JAZF1: variants seen among roughly 807,000 people sequenced by gnomAD.
The protein encoded by JAZF1 is JAZF zinc finger 1.
In JAZF1, 8 loss-of-function variants were observed where a neutral mutation model predicts 26.4. That is an observed-to-expected ratio of 0.30 (90% CI 0.18 to 0.55). JAZF1 has a LOEUF of 0.55. JAZF1 is among the 20% of genes least tolerant of loss of function. JAZF1 has a pLI of 0.94. For missense variants in JAZF1, 199 were observed against 322.0 expected (o/e 0.62, Z 2.92); for synonymous variants, 126 against 122.3 (o/e 1.03, Z -0.20).
intron 3 of JAZF1, chr7:27,842,600 G>A (rs868042523): frequency 3.9e-5 from 6 of 152,132 alleles, no homozygotes; most frequent in African/African-American, 1.2e-4. Context: ...AAAGAGAGCC[G>A]GTTTGGAAAC....
intron 1 of JAZF1, among the ~76,000 whole-genome samples, chr7:28,021,310 G>A (rs1348606140): frequency 6.6e-6 from 1 of 152,092 alleles, no homozygotes; most frequent in South Asian, 2.1e-4. Context: ...CAGGCCTTAG[G>A]AATCAGACAA....
intron 1 of JAZF1, among the ~76,000 whole-genome samples, chr7:28,067,022 T>C (rs1783894435): frequency 1.3e-5 from 2 of 152,152 alleles, no homozygotes. Flanking sequence ...GTTAACTCCT[T>C]TGTACCTGCC....
Position 27,831,433 on chromosome 7 carries a change from T to C in JAZF1, c.*1367A>G, listed in dbSNP as rs1782694595. On this transcript the variant is annotated 3_prime_UTR_variant, in exon 5 of 5. Transcript: ENST00000283928. Reference sequence around the variant, plus strand: ...GCATTATTAGGCAACTGGTAAACTCTCGTGTTTAAGGAATAGCACTTGGGA... The same window carrying C: ...GCATTATTAGGCAACTGGTAAACTCCCGTGTTTAAGGAATAGCACTTGGGA... The C allele has an allele frequency of 8.7e-6, 2 of 228,804 alleles. No individual in the cohort carries two copies. The highest frequency in any genetic ancestry group is 1.7e-5 in the Non-Finnish European group (2 of 115,100). 14.2% of individuals were successfully genotyped at this position (228,804 alleles called of 1,614,324 possible).
rs745576949 is a variant in JAZF1 at position 27,913,422 on chromosome 7, G to A, written c.189-18006C>T. 9 of 455,452 alleles carry A rather than the reference G, an allele frequency of 2.0e-5. No homozygotes were observed. The Middle Eastern group carries it at 1.6e-3, about 83-fold the overall frequency. The allele number at this position is 455,452 out of a possible 1,614,324, so 28.2% of individuals were successfully genotyped here. A position where few individuals can be genotyped will look rare whatever the true frequency, so the allele number is the denominator to read the frequency against. On this transcript the variant is annotated intron_variant, in intron 2 of 4. Transcript: ENST00000283928. ...GGACAAGTAGGACAGCGAGAAGGGA[G>A]GTCTTCTCTAGGTCTGTCTCATCTC...
chr7:28,091,860 C>T (rs890614597), intron 1 of JAZF1, among the ~76,000 whole-genome samples: 5 of 152,008 alleles, frequency 3.3e-5, no homozygotes, highest in African/African-American at 1.2e-4. Context: ...TGTAATGGAA[C>T]TTAAAAGACT....
intron 1 of JAZF1, among the ~76,000 whole-genome samples, chr7:28,157,983 C>T (rs956055138): frequency 1.3e-5 from 2 of 151,886 alleles, no homozygotes; most frequent in African/African-American, 4.8e-5. Flanking sequence ...CATGTTGGTT[C>T]CTGCAGCAGG....
intron 2 of JAZF1, among the ~76,000 whole-genome samples, chr7:27,986,383 A>G (rs538200112): frequency 6.6e-6 from 1 of 152,342 alleles, no homozygotes; most frequent in South Asian, 2.1e-4. Context: ...AGAGAATAAA[A>G]TACCTAGGAA....
At chr7:27,865,606 G>C (rs1562771336) in intron 3 of JAZF1, among the ~76,000 whole-genome samples, 1 of 151,912 alleles carries the variant, frequency 6.6e-6, no homozygotes, top group Non-Finnish European at 1.5e-5. Context: ...TATAAAACAG[G>C]CTAACAGAGA....
chr7:28,148,213 G>A (rs1027844261), intron 1 of JAZF1, among the ~76,000 whole-genome samples: 1 of 151,902 alleles, frequency 6.6e-6, no homozygotes, highest in Non-Finnish European at 1.5e-5. Flanking sequence ...TGGGATTACA[G>A]GCACGCACCA....
At chr7:27,917,686 C>T (rs947562470) in intron 2 of JAZF1, among the ~76,000 whole-genome samples, 1 of 152,164 alleles carries the variant, frequency 6.6e-6, no homozygotes, top group African/African-American at 2.4e-5. Flanking sequence ...GTCAGGGTAC[C>T]TGCGAGTGGG....
intron 2 of JAZF1, among the ~76,000 whole-genome samples, chr7:27,989,224 C>T (rs1785840858): frequency 1.3e-5 from 2 of 152,194 alleles, no homozygotes; most frequent in African/African-American, 2.4e-5. Flanking sequence ...GCTGGGAAAA[C>T]TGGCTAGCCA....
At chr7:27,998,854 C>T (rs912489097) in intron 1 of JAZF1, among the ~76,000 whole-genome samples, 2 of 152,230 alleles carry the variant, frequency 1.3e-5, no homozygotes, top group African/African-American at 4.8e-5. Context: ...GCAACCTTCC[C>T]TATTCCTGGC....
chr7:27,856,193 T>C (rs1213366777), intron 3 of JAZF1, among the ~76,000 whole-genome samples: 1 of 152,152 alleles, frequency 6.6e-6, no homozygotes, highest in Non-Finnish European at 1.5e-5. Flanking sequence ...TTCTTCCTTC[T>C]GGGGGGTTCG....
chr7:27,885,612 C>T (rs1020456903), intron 3 of JAZF1, among the ~76,000 whole-genome samples: 5 of 152,208 alleles, frequency 3.3e-5, no homozygotes, highest in Non-Finnish European at 4.4e-5. Flanking sequence ...TGATTGTTGT[C>T]GCAATTTCTT....
chr7:28,091,030 G>A (rs1784288697), intron 1 of JAZF1, among the ~76,000 whole-genome samples: 1 of 151,048 alleles, frequency 6.6e-6, no homozygotes, highest in Admixed American at 6.6e-5. Context: ...GTTTCACCTT[G>A]TTAGCCAGGA....
chr7:28,081,740 G>C (rs1784140746), intron 1 of JAZF1, among the ~76,000 whole-genome samples: 1 of 152,146 alleles, frequency 6.6e-6, no homozygotes, highest in Non-Finnish European at 1.5e-5. Flanking sequence ...CTTTGTGGAG[G>C]ATGGGTCAAT....
intron 1 of JAZF1, among the ~76,000 whole-genome samples, chr7:28,121,633 A>G (rs17156416): frequency 0.042 from 6,430 of 152,246 alleles, 391 homozygotes; most frequent in African/African-American, 0.14. Flanking sequence ...TCCCCTAATA[A>G]TGAAAGTCAA....
intron 1 of JAZF1, among the ~76,000 whole-genome samples, chr7:28,071,982 T>A (rs375372090): frequency 6.6e-6 from 1 of 152,378 alleles, no homozygotes; most frequent in African/African-American, 2.4e-5. Context: ...AAATTCATGA[T>A]GTTGTAAGTT....
chr7:27,941,918 C>T (rs1294874429), intron 2 of JAZF1, among the ~76,000 whole-genome samples: 1 of 152,160 alleles, frequency 6.6e-6, no homozygotes, highest in African/African-American at 2.4e-5. Context: ...AGGCAAGGAA[C>T]TGCATATTTC....
Sources: gnomAD v4.1 joint callset for allele counts (sites outside exome capture counted in the v4.1 genomes callset) on GRCh38, gnomAD v4.1.1 for gene constraint, MANE v1.5 for transcripts, NCBI Gene and HGNC (gene_info 2026-07-23, HGNC 2026-07-21) for gene names.